SLC35F3: variants seen among roughly 807,000 people sequenced by gnomAD.
The protein encoded by SLC35F3 is putative thiamine transporter SLC35F3.
A neutral mutation model predicts 49.9 loss-of-function variants in SLC35F3; 25 were observed. The ratio of observed to expected loss-of-function variants is 0.50; its 90% CI spans 0.37 to 0.70. SLC35F3 has a LOEUF of 0.70. Among genes scored for constraint, SLC35F3 ranks in the 30% least tolerant of loss-of-function variants. The pLI is 0.00. For missense variants in SLC35F3, 525 were observed against 639.8 expected, an observed-to-expected ratio of 0.82 and a Z score of 1.94; for synonymous variants, 275 against 265.4, an observed-to-expected ratio of 1.04 and a Z score of -0.35.
At position 234,214,697 on chromosome 1, in the gene SLC35F3, C is replaced by A; in HGVS notation, c.284-16720C>A. On this transcript the variant is annotated intron_variant, in intron 2 of 7. Coordinates refer to ENST00000366618, the MANE Select transcript of SLC35F3 (RefSeq NM_173508.4). The surrounding 1 kb of genome is among the most constrained non-coding windows in gnomAD (Gnocchi z 8.0). ...GGGGTACTGCTCCCCCAGGACGCGG[C>A]TCCGCAGTGCAGAGCGCCGCCGCCT... The A allele has an allele frequency of 7.7e-7, 1 of 1,302,992 alleles. No homozygotes were observed. The highest frequency in any genetic ancestry group is 1.0e-6 in the Non-Finnish European group (1 of 993,076). 80.7% of individuals were successfully genotyped at this position (1,302,992 alleles called of 1,614,324 possible).
intron 2 of SLC35F3, among the ~76,000 whole-genome samples, chr1:234,121,545 TAAA>T (rs1199990272): frequency 6.6e-6 from 1 of 152,206 alleles, no homozygotes; most frequent in African/African-American, 2.4e-5. Flanking sequence ...CATTAATAAT[TAAA>T]GAAGCTTTTT....
intron 2 of SLC35F3, among the ~76,000 whole-genome samples, chr1:234,182,255 G>A (rs1205225782): frequency 2.6e-5 from 4 of 152,158 alleles, no homozygotes; most frequent in Non-Finnish European, 4.4e-5. Context: ...CTAAAAGTTA[G>A]ATCACTTCCT....
chr1:233,955,729 T>C (rs1662686668), intron 2 of SLC35F3, among the ~76,000 whole-genome samples: 1 of 151,776 alleles, frequency 6.6e-6, no homozygotes, highest in Non-Finnish European at 1.5e-5. Context: ...ATGCAATCTG[T>C]TCCTGTGACT....
At chr1:234,107,095 G>A (rs1352400041) in intron 2 of SLC35F3, among the ~76,000 whole-genome samples, 1 of 152,196 alleles carries the variant, frequency 6.6e-6, no homozygotes, top group African/African-American at 2.4e-5. Context: ...TCTCTACTGA[G>A]CCGAGCTGAG....
At chr1:233,922,464 C>A (rs564229851) in intron 2 of SLC35F3, among the ~76,000 whole-genome samples, 1 of 135,518 alleles carries the variant, frequency 7.4e-6, no homozygotes, top group African/African-American at 2.7e-5. Context: ...CTGTTCATAT[C>A]TTTTGCCCAC....
At chr1:234,129,945 A>T (rs1253185373) in intron 2 of SLC35F3, among the ~76,000 whole-genome samples, 3 of 152,222 alleles carry the variant, frequency 2.0e-5, no homozygotes, top group African/African-American at 7.2e-5. Context: ...ATAAAAGCTA[A>T]TACTATAAAA....
In SLC35F3 at chr1:234,125,752, G is replaced by T. The variant is rs1345561413; in HGVS notation, c.284-105665G>T. Among the ~76,000 whole-genome samples the T allele has an allele frequency of 2.0e-5, 3 of 152,120 alleles. No homozygotes were observed. In the East Asian group the frequency reaches 5.8e-4, roughly 29 times the overall value. ...AGAGAAATTTTTCATCCTCTGCATT[G>T]TTCACATATTATAGTCAAAATTATT... On this transcript the variant is annotated intron_variant, in intron 2 of 7. Transcript: ENST00000366618.
At chr1:233,943,467 A>G (rs1182841408) in intron 2 of SLC35F3, among the ~76,000 whole-genome samples, 1 of 152,262 alleles carries the variant, frequency 6.6e-6, no homozygotes, top group Admixed American at 6.5e-5. Context: ...TCCAGTTATT[A>G]CATCTACTAA....
chr1:234,278,212 C>T (rs952566852), intron 3 of SLC35F3, among the ~76,000 whole-genome samples: 4 of 151,312 alleles, frequency 2.6e-5, no homozygotes, highest in South Asian at 2.1e-4. Flanking sequence ...ATAAAAGGGC[C>T]GGGTGCGGTG....
intron 4 of SLC35F3, among the ~76,000 whole-genome samples, chr1:234,311,560 A>G (rs192308243): frequency 5.3e-5 from 8 of 152,360 alleles, no homozygotes; most frequent in African/African-American, 1.9e-4. Context: ...CAATTATTCA[A>G]ACCACAAGGG....
intron 2 of SLC35F3, among the ~76,000 whole-genome samples, chr1:233,959,257 A>G (rs988695580): frequency 2.0e-5 from 3 of 151,294 alleles, no homozygotes; most frequent in South Asian, 2.1e-4. Flanking sequence ...TTTTTTTTTT[A>G]AAGGAGGCAG....
chr1:234,173,980 A>G (rs1049342254), intron 2 of SLC35F3, among the ~76,000 whole-genome samples: 1 of 152,210 alleles, frequency 6.6e-6, no homozygotes, highest in African/African-American at 2.4e-5. Flanking sequence ...TGTGTACAGC[A>G]GAAAAGGGGC....
intron 2 of SLC35F3, among the ~76,000 whole-genome samples, chr1:233,978,251 G>A (rs1345977559): frequency 2.0e-5 from 3 of 152,198 alleles, no homozygotes; most frequent in Non-Finnish European, 4.4e-5. Flanking sequence ...AGCACACCGC[G>A]CTGTTTTTGG....
chr1:234,296,674 G>A (rs558880884), intron 3 of SLC35F3, among the ~76,000 whole-genome samples: 1 of 152,296 alleles, frequency 6.6e-6, no homozygotes, highest in East Asian at 1.9e-4. Context: ...GATGCTTTGG[G>A]AACAGGCACA....
At chr1:233,946,686 C>T (rs1230341608) in intron 2 of SLC35F3, among the ~76,000 whole-genome samples, 1 of 152,182 alleles carries the variant, frequency 6.6e-6, no homozygotes, top group African/African-American at 2.4e-5. Flanking sequence ...CTCTGAGGCC[C>T]TTCATGGAGG....
intron 4 of SLC35F3, among the ~76,000 whole-genome samples, chr1:234,310,531 A>G (rs1238711586): frequency 6.6e-6 from 1 of 152,228 alleles, no homozygotes; most frequent in Non-Finnish European, 1.5e-5. Context: ...CAGCAAATAA[A>G]TGATCTGATG....
At chr1:234,171,080 G>A (rs191400006) in intron 2 of SLC35F3, among the ~76,000 whole-genome samples, 1 of 152,216 alleles carries the variant, frequency 6.6e-6, no homozygotes, top group Non-Finnish European at 1.5e-5. Context: ...CAACCCAGGG[G>A]TTCCCCAAAG....
At chr1:234,239,173 T>A (rs961303392) in intron 3 of SLC35F3, among the ~76,000 whole-genome samples, 1 of 152,128 alleles carries the variant, frequency 6.6e-6, no homozygotes, top group African/African-American at 2.4e-5. Flanking sequence ...GATGTGACAG[T>A]GAAATCAAAG....
At chr1:233,999,075 A>G (rs895023178) in intron 2 of SLC35F3, among the ~76,000 whole-genome samples, 1 of 152,146 alleles carries the variant, frequency 6.6e-6, no homozygotes, top group Non-Finnish European at 1.5e-5. Context: ...CTACATAGCA[A>G]GCATTAGGGA....
Sources: allele counts gnomAD v4.1 joint callset (sites outside exome capture counted in the v4.1 genomes callset), GRCh38; gene constraint gnomAD v4.1.1; non-coding constraint Gnocchi (gnomAD v3.1); transcripts MANE v1.5; gene names NCBI Gene and HGNC (gene_info 2026-07-23, HGNC 2026-07-21).